MTBP: variants seen among roughly 807,000 people sequenced by gnomAD.
The protein encoded by MTBP is MDM2 binding protein, also known as mdm2-binding protein.
MTBP carries 101 observed loss-of-function variants against 117.0 expected under a neutral mutation model. That is an observed-to-expected ratio of 0.86 (90% CI 0.73 to 1.02). The LOEUF (loss-of-function observed/expected upper bound fraction) is 1.02, where lower values mean the gene tolerates loss of function less well. Among genes scored for constraint, MTBP ranks in the 50% least tolerant of loss-of-function variants. The pLI, the probability that MTBP is intolerant of heterozygous loss-of-function variation, is 0.00. For missense variants in MTBP, 970 were observed against 1,030.9 expected (o/e 0.94, Z 0.81); for synonymous variants, 350 against 351.5 (o/e 1.00, Z 0.05).
intron 9 of MTBP, 103 bp downstream of exon 9, chr8:120,461,358 T>C: frequency 1.3e-6 from 1 of 766,114 alleles, no homozygotes. Flanking sequence ...ATCTTTTTCA[T>C]TATATTCACT....
chr8:120,521,547 C>T (rs1815007490), intron 20 of MTBP, among the ~76,000 whole-genome samples: 1 of 152,080 alleles, frequency 6.6e-6, no homozygotes, highest in Non-Finnish European at 1.5e-5. Flanking sequence ...CAAGTAGCAA[C>T]ATAAGCATAG....
intron 15 of MTBP, among the ~76,000 whole-genome samples, chr8:120,504,807 C>G (rs530965215): frequency 5.9e-5 from 9 of 151,466 alleles, no homozygotes; most frequent in Non-Finnish European, 1.2e-4. Flanking sequence ...TATTCTATCT[C>G]TAACTTTTCT....
rs755093587 is a variant in MTBP at position 120,490,549 on chromosome 8, T to A, written c.1426T>A (p.Leu476Ile). 2 of 1,604,496 alleles carry A rather than the reference T, an allele frequency of 1.2e-6. No homozygotes were observed. Among genetic ancestry groups the A allele is most frequent in the South Asian group, 1.1e-5 (1 of 88,406 alleles). Residue 476 changes from leucine (L) to isoleucine (I), a missense_variant, in exon 13 of 22, where the codon TTA (leucine) becomes ATA (isoleucine). Physicochemically the swap from Leu to Ile is conservative, Grantham distance 5 (BLOSUM62 2). Coordinates refer to ENST00000305949, the MANE Select transcript of MTBP (RefSeq NM_022045.5). ...GAAACAGTTAGCTAATGTTCAAGTT[T>A]TAGCTTTGGAAGAATGCCTAAGTAA... is the stretch of plus-strand genomic sequence containing the variant. ...REKQLANVQV[L>I]ALEECLKRRK...
intron 11 of MTBP, among the ~76,000 whole-genome samples, chr8:120,486,408 T>C (rs1441133435): frequency 6.6e-6 from 1 of 152,150 alleles, no homozygotes; most frequent in African/African-American, 2.4e-5. Flanking sequence ...GTCTTCTTTA[T>C]ATACCTCTCC....
At position 120,456,557 on chromosome 8, in the gene MTBP, T is replaced by A; in HGVS notation, c.634T>A (p.Cys212Ser). The change falls in exon 7 of 22, where the codon TGT becomes AGT. Residue 212 changes from cysteine to serine, a missense_variant. Coordinates refer to ENST00000305949, the MANE Select transcript of MTBP (RefSeq NM_022045.5). Reference protein sequence around the residue: ...TIAGNHCEINCQKIAEYLSAN... With the variant: ...TIAGNHCEINSQKIAEYLSAN... ...GTTGTAATCTTTTTTTTATAGAAAC[T>A]GTCAGAAAATTGCAGAATACCTTTC... The A allele has an allele frequency of 3.4e-6, 5 of 1,488,616 alleles. No individual in the cohort carries two copies. Among genetic ancestry groups the A allele is most frequent in the Non-Finnish European group, 4.6e-6 (5 of 1,078,742 alleles). The allele number at this position is 1,488,616 out of a possible 1,614,324, so 92.2% of individuals were successfully genotyped here.
intron 14 of MTBP, among the ~76,000 whole-genome samples, chr8:120,497,916 A>G (rs755206218): frequency 6.6e-6 from 1 of 152,190 alleles, no homozygotes; most frequent in Non-Finnish European, 1.5e-5. Context: ...TACATAGTAA[A>G]TTTAATAGAG....
chr8:120,507,798 T>C (rs1814718778), intron 16 of MTBP, among the ~76,000 whole-genome samples: 1 of 152,060 alleles, frequency 6.6e-6, no homozygotes, highest in African/African-American at 2.4e-5. Flanking sequence ...AATTTTGGAG[T>C]AATTTTTTTC....
At chr8:120,520,338 A>G (rs561925487) in intron 20 of MTBP, among the ~76,000 whole-genome samples, 2 of 152,272 alleles carry the variant, frequency 1.3e-5, no homozygotes, top group African/African-American at 4.8e-5. Context: ...AAGGCTGAAC[A>G]GTTGAGATGA....
intron 11 of MTBP, among the ~76,000 whole-genome samples, chr8:120,475,793 G>A (rs941664053): frequency 2.6e-5 from 4 of 151,936 alleles, no homozygotes; most frequent in Non-Finnish European, 5.9e-5. Context: ...TGAGAAGACA[G>A]ATGAATAGTG....
intron 13 of MTBP, among the ~76,000 whole-genome samples, chr8:120,494,851 T>C (rs933219677): frequency 3.9e-5 from 6 of 152,172 alleles, no homozygotes; most frequent in African/African-American, 1.4e-4. Context: ...GACAGAACAT[T>C]GTTATGTTTT....
intron 8 of MTBP, 90 bp downstream of exon 8, chr8:120,459,439 T>G: frequency 2.3e-6 from 3 of 1,309,936 alleles, no homozygotes; most frequent in Non-Finnish European, 3.1e-6. Flanking sequence ...ATTACTAATA[T>G]ATGTGCTTAA....
At position 120,518,124 on chromosome 8, in the gene MTBP, C is replaced by T. The variant is rs375704333; in HGVS notation, c.2496+24C>T. On this transcript the variant is annotated intron_variant, in intron 19 of 21. Transcript: ENST00000305949. ...GGGTAAAGATTTATTTCCCATTTTT[C>T]TTAGTTCTACATAGGAAGACTTTTT... 2.5e-6 allele frequency: 4 copies of T among 1,597,944 alleles called. No homozygotes were observed. In the African/African-American group the frequency reaches 5.4e-5, roughly 22 times the overall value.
chr8:120,487,478 C>A (rs1020290970), intron 11 of MTBP, among the ~76,000 whole-genome samples: 1 of 152,192 alleles, frequency 6.6e-6, no homozygotes, highest in Non-Finnish European at 1.5e-5. Flanking sequence ...TCTTTATTCT[C>A]ATTTAGTGGA....
chr8:120,463,977 G>T (rs1381517786), intron 10 of MTBP, among the ~76,000 whole-genome samples: 1 of 151,962 alleles, frequency 6.6e-6, no homozygotes, highest in Non-Finnish European at 1.5e-5. Flanking sequence ...GTGACATTTT[G>T]TTTTTAGGAG....
chr8:120,488,078 A>G, intron 11 of MTBP, 81 bp from the exon 12 acceptor site: 8 of 1,172,826 alleles, frequency 6.8e-6, no homozygotes, highest in Non-Finnish European at 9.4e-6. Flanking sequence ...ATTTTATTAT[A>G]TCCTATGGAT....
At chr8:120,469,760 A>T (rs1813778883) in intron 10 of MTBP, among the ~76,000 whole-genome samples, 1 of 152,236 alleles carries the variant, frequency 6.6e-6, no homozygotes, top group African/African-American at 2.4e-5. Flanking sequence ...CATTAAAATG[A>T]TGTATAACAT....
At chr8:120,490,695 A>G in intron 13 of MTBP, 125 bp downstream of exon 13, 1 of 590,306 alleles carries the variant, frequency 1.7e-6, no homozygotes, top group Non-Finnish European at 2.9e-6. Flanking sequence ...TAATTATAGA[A>G]CTATTTTTGA....
intron 11 of MTBP, among the ~76,000 whole-genome samples, chr8:120,482,111 GGGGTGGACCCA>G (rs56182031): frequency 0.53 from 80,890 of 151,646 alleles, 24,599 homozygotes; most frequent in Non-Finnish European, 0.67. Context: ...CCAAATCTCT[GGGGTGGACCCA>G]GGGTGTCAGT....
intron 17 of MTBP, among the ~76,000 whole-genome samples, chr8:120,513,929 C>T (rs545174095): frequency 6.6e-6 from 1 of 151,872 alleles, no homozygotes; most frequent in East Asian, 1.9e-4. Flanking sequence ...AGAGAGATGC[C>T]AAGACCTAGG....
Sources: allele counts gnomAD v4.1 joint callset (sites outside exome capture counted in the v4.1 genomes callset), GRCh38; gene constraint gnomAD v4.1.1; transcripts MANE v1.5; gene names NCBI Gene and HGNC (gene_info 2026-07-23, HGNC 2026-07-21).